OTOG: variants seen among roughly 807,000 people sequenced by gnomAD.
OTOG encodes the protein otogelin.
In OTOG, 296 loss-of-function variants were observed where a neutral mutation model predicts 313.8. The ratio of observed to expected loss-of-function variants is 0.94; its 90% CI spans 0.86 to 1.04. OTOG has a LOEUF of 1.04. OTOG is among the 50% of genes least tolerant of loss of function. The probability of loss-of-function intolerance (pLI) is 0.00; values close to 1 mark genes in which losing one functional copy is unlikely to be tolerated. For missense variants in OTOG, 3,948 were observed against 3,840.1 expected (o/e 1.03, Z -0.74); for synonymous variants, 1,533 against 1,554.9 (o/e 0.99, Z 0.33).
Position 17,576,583 on chromosome 11 carries a change from A to C in OTOG, c.2514A>C (p.Gly838=). The C allele has an allele frequency of 6.4e-7, 1 of 1,550,442 alleles. No homozygotes were observed. Among genetic ancestry groups the C allele is most frequent in the Non-Finnish European group, 8.7e-7 (1 of 1,146,912 alleles). The change falls in exon 21 of 56, where the codon GGA becomes GGC. Residue 838 remains glycine, a synonymous_variant. Coordinates refer to ENST00000399397, the MANE Select transcript of OTOG (RefSeq NM_001292063.2). ...ACCAGTGCTCCTGCCACTTCCAGGG[A>C]GTGGACTATCCCCCCGGAGACAGTG... is the stretch of plus-strand genomic sequence containing the variant. ...PRNQCSCHFQ[G]VDYPPGDSDI...
rs972177847 is a variant in OTOG at position 17,559,561 on chromosome 11, C to G, written c.1241C>G (p.Thr414Ser). ...CTVHCKEKAF[T>S]YNECIACCPA... ...GTGCACTGCAAGGAGAAGGCCTTTA[C>G]CTACAATGAGTGCATCGCCTGCTGC... is the stretch of plus-strand genomic sequence containing the variant. Residue 414 changes from threonine (T) to serine (S), a missense_variant, in exon 12 of 56, where the codon ACC (threonine) becomes AGC (serine). Transcript: ENST00000399397. 1.9e-6 allele frequency: 3 copies of G among 1,550,600 alleles called. No individual in the cohort carries two copies. In the African/African-American group the frequency reaches 4.1e-5, roughly 21 times the overall value.
chr11:17,629,367 T>G (rs886700376), intron 40 of OTOG, 51 bp downstream of exon 40: 80 of 1,492,988 alleles, frequency 5.4e-5, no homozygotes, highest in African/African-American at 8.4e-5. Context: ...GGTCCACCTC[T>G]GCCCCCACAC....
chr11:17,550,635 A>C (rs1054987965), intron 3 of OTOG, among the ~76,000 whole-genome samples: 4 of 152,346 alleles, frequency 2.6e-5, no homozygotes, highest in African/African-American at 9.6e-5. Context: ...GAGTGAGGAC[A>C]CGAAGACTGA....
Position 17,574,831 on chromosome 11 carries a change from T to A in OTOG, c.2405T>A (p.Leu802Gln), listed in dbSNP as rs144972211. The A allele has an allele frequency of 8.1e-5, 125 of 1,550,098 alleles. No individual in the cohort carries two copies. In the African/African-American group the frequency reaches 1.5e-3, roughly 19 times the overall value. The change falls in exon 20 of 56, where the codon CTG (leucine) becomes CAG (glutamine). Residue 802 changes from leucine to glutamine, a missense_variant. Coordinates refer to ENST00000399397, the MANE Select transcript of OTOG (RefSeq NM_001292063.2). ...EACGVDGGDD[L>Q]SRDECVEGCA... ...TGTGGGGTTGATGGTGGCGATGACC[T>A]GAGCAGAGACGAGTGTGTGGAGGGC...
Position 17,610,894 on chromosome 11 carries a change from T to C in OTOG, c.5594T>C (p.Ile1865Thr). 2 of 1,550,552 alleles carry C rather than the reference T, an allele frequency of 1.3e-6. No individual in the cohort carries two copies. Among genetic ancestry groups the C allele is most frequent in the Non-Finnish European group, 1.7e-6 (2 of 1,146,960 alleles). The change falls in exon 36 of 56, where the codon ATA becomes ACA. Residue 1865 changes from isoleucine (I) to threonine (T), a missense_variant. Ile to Thr is a moderately conservative substitution (Grantham distance 89). Transcript: ENST00000399397. ...ACCCAGGCGCACCCACCCACTCACATAGCACCCCCAGCAGCAGGCACAGCT... is the reference window on the plus strand; with the variant it reads ...ACCCAGGCGCACCCACCCACTCACACAGCACCCCCAGCAGCAGGCACAGCT... ...AMTQAHPPTHIAPPAAGTAPG... is the reference protein window; with the variant it reads ...AMTQAHPPTHTAPPAAGTAPG...
intron 5 of OTOG, 34 bp from the exon 6 acceptor site, chr11:17,553,331 G>A: frequency 6.7e-7 from 1 of 1,482,938 alleles, no homozygotes; most frequent in South Asian, 1.4e-5. Context: ...GCCCACTGTA[G>A]CTACACAGAG....
chr11:17,548,593 A>G (rs546598894), intron 3 of OTOG, among the ~76,000 whole-genome samples: 12 of 152,136 alleles, frequency 7.9e-5, no homozygotes, highest in Admixed American at 3.9e-4. Context: ...CAACCCTGTC[A>G]GAGGCTCCTC....
Position 17,560,757 on chromosome 11 carries a change from G to C in OTOG, c.1391G>C (p.Cys464Ser), listed in dbSNP as rs2134009732. 3.2e-6 allele frequency: 5 copies of C among 1,550,716 alleles called. No individual in the cohort carries two copies. The African/African-American group carries it at 5.5e-5, about 17-fold the overall frequency. The change falls in exon 13 of 56, where the codon TGT becomes TCT. Residue 464 changes from cysteine (C) to serine (S), a missense_variant. Transcript: ENST00000399397. Reference sequence around the variant, plus strand: ...TGCGTGGCACCAGCTGAGTGTCCCTGTGAGTTTCACGGGACTCTGTACCCA... The same window carrying C: ...TGCGTGGCACCAGCTGAGTGTCCCTCTGAGTTTCACGGGACTCTGTACCCA... ...GGCVAPAECP[C>S]EFHGTLYPPG...
intron 31 of OTOG, among the ~76,000 whole-genome samples, chr11:17,599,912 C>T (rs979388268): frequency 2.6e-5 from 4 of 152,220 alleles, no homozygotes; most frequent in Non-Finnish European, 2.9e-5. Flanking sequence ...AGCCCCTGTC[C>T]GGGGCCCAGG....
At chr11:17,581,116 A>T (rs1047019693) in intron 23 of OTOG, among the ~76,000 whole-genome samples, 10 of 152,196 alleles carry the variant, frequency 6.6e-5, no homozygotes, top group African/African-American at 2.2e-4. Context: ...GCAGTTTCTT[A>T]TATAAACATG....
Position 17,594,033 on chromosome 11 carries a change from C to G in OTOG, c.3289-14C>G, listed in dbSNP as rs535379289. 1 of 1,550,460 alleles carries G rather than the reference C, an allele frequency of 6.4e-7. No homozygotes were observed. Among genetic ancestry groups the G allele is most frequent in the Non-Finnish European group, 8.7e-7 (1 of 1,146,984 alleles). The stretch of plus-strand genomic sequence containing the variant: ...CAGGCCTGCAACTGACCATGGTGTC[C>G]TCTCTCCTTTCAGGGCCAGCTGGCG... On this transcript the variant is annotated splice_polypyrimidine_tract_variant and intron_variant, in intron 27 of 55. Transcript: ENST00000399397.
intron 39 of OTOG, among the ~76,000 whole-genome samples, chr11:17,616,885 T>C (rs560474639): frequency 1.3e-5 from 2 of 152,344 alleles, no homozygotes; most frequent in South Asian, 4.1e-4. Flanking sequence ...CTAGGACCTC[T>C]AGTGTGATGC....
Position 17,572,155 on chromosome 11 carries a change from G to T in OTOG, c.2031G>T (p.Pro677=), listed in dbSNP as rs532219946. 4 of 1,550,468 alleles carry T rather than the reference G, an allele frequency of 2.6e-6. No homozygotes were observed. The highest frequency in any genetic ancestry group is 3.9e-5 in the Admixed American group (2 of 50,992). ...GGAAAACACTTTCTGCTTGCTCCCC[G>T]CTGGTCTCTGGCTCCCCTCTGGACC... ...NSWKTLSACS[P]LVSGSPLDPC... Residue 677 remains proline (P), a synonymous_variant, in exon 18 of 56, where the codon CCG becomes CCT. Transcript: ENST00000399397.
At chr11:17,587,977 G>C (rs1852841900) in intron 24 of OTOG, among the ~76,000 whole-genome samples, 5 of 152,154 alleles carry the variant, frequency 3.3e-5, no homozygotes, top group Non-Finnish European at 5.9e-5. Context: ...GGGGATAGCT[G>C]AGTTACATTG....
Position 17,578,496 on chromosome 11 carries a change from C to T in OTOG, c.2729C>T (p.Pro910Leu). 1 of 1,539,142 alleles carries T rather than the reference C, an allele frequency of 6.5e-7. No homozygotes were observed. Among genetic ancestry groups the T allele is most frequent in the South Asian group, 1.2e-5 (1 of 83,960 alleles). ...LLNLSVSARG[P>L]CLSGCACPQG... Reference sequence around the variant, plus strand: ...AACCTGAGCGTGTCAGCCCGTGGCCCCTGCCTCTCGGGCTGCGCCTGTCCC... The same window carrying T: ...AACCTGAGCGTGTCAGCCCGTGGCCTCTGCCTCTCGGGCTGCGCCTGTCCC... The change falls in exon 23 of 56, where the codon CCC becomes CTC. Residue 910 changes from proline to leucine, a missense_variant. Transcript: ENST00000399397.
Position 17,611,329 on chromosome 11 carries a change from C to T in OTOG, c.6029C>T (p.Pro2010Leu). Residue 2010 changes from proline to leucine, a missense_variant, in exon 36 of 56, where the codon CCA becomes CTA. Pro to Leu is a moderately conservative substitution (Grantham distance 98). Transcript: ENST00000399397. ...CCGGTGGACGAGGCCACCACAGAAC[C>T]ATCTGGGCGCTCAGCCCCAGCCCTG... ...AEPVDEATTEPSGRSAPALSI... is the reference protein window; with the variant it reads ...AEPVDEATTELSGRSAPALSI... 6.4e-7 allele frequency: 1 copy of T among 1,550,526 alleles called. No individual in the cohort carries two copies. The highest frequency in any genetic ancestry group is 2.4e-5 in the East Asian group (1 of 40,906).
chr11:17,636,845 G>T (rs1228796164), intron 47 of OTOG, among the ~76,000 whole-genome samples: 1 of 151,958 alleles, frequency 6.6e-6, no homozygotes, highest in Non-Finnish European at 1.5e-5. Context: ...CCCAGGGCAA[G>T]TTCCTTACTC....
rs1854204080 is a variant in OTOG, at chr11:17,634,225, G to A, written c.7424G>A (p.Gly2475Glu). 5 of 1,550,534 alleles carry A rather than the reference G, an allele frequency of 3.2e-6. No homozygotes were observed. In the Admixed American group the frequency reaches 7.8e-5, roughly 24 times the overall value. Residue 2475 changes from glycine (G) to glutamate (E), a missense_variant, in exon 44 of 56, where the codon GGG (glycine) becomes GAG (glutamate). Transcript: ENST00000399397. ...CGCCCTGAGAGCTGCCTGCGATTCG[G>A]GGAGGTGGCCTTGCTCCTACCCACC... ...SPRPESCLRF[G>E]EVALLLPTKD... is the part of the protein sequence containing the mutation.
At chr11:17,549,885 A>G (rs1196634606) in intron 3 of OTOG, among the ~76,000 whole-genome samples, 1 of 152,086 alleles carries the variant, frequency 6.6e-6, no homozygotes, top group Non-Finnish European at 1.5e-5. Context: ...TGTACCAGGG[A>G]TACTTCAAGG....
Sources: gnomAD v4.1 joint callset for allele counts (sites outside exome capture counted in the v4.1 genomes callset) on GRCh38, gnomAD v4.1.1 for gene constraint, MANE v1.5 for transcripts, NCBI Gene and HGNC (gene_info 2026-07-23, HGNC 2026-07-21) for gene names.